The following HOOK1 variants were observed in gnomAD, a reference collection of about 807,000 sequenced individuals.
The protein encoded by HOOK1 is protein Hook homolog 1.
HOOK1 carries 60 observed loss-of-function variants against 112.8 expected under a neutral mutation model. The observed-to-expected ratio is 0.53, with a 90% CI of 0.43 to 0.66. The LOEUF is 0.66. HOOK1 is among the 30% of genes least tolerant of loss of function. HOOK1 has a pLI of 0.00. For missense variants in HOOK1, 770 were observed against 856.0 expected (o/e 0.90, Z 1.25); for synonymous variants, 294 against 283.8 (o/e 1.04, Z -0.36).
At chr1:59,866,007 T>C (rs1643957600) in intron 19 of HOOK1, 35 bp downstream of exon 19, 1 of 1,191,574 alleles carries the variant, frequency 8.4e-7, no homozygotes, top group South Asian at 1.3e-5. Flanking sequence ...CAAGACTTTG[T>C]GGCCTGTGTT....
intron 6 of HOOK1, 145 bp downstream of exon 6, chr1:59,835,557 C>G (rs531981789): frequency 1.8e-6 from 1 of 555,802 alleles, no homozygotes; most frequent in Non-Finnish European, 3.2e-6. Flanking sequence ...CTTTTTTACC[C>G]CCAAAAATAT....
intron 1 of HOOK1, among the ~76,000 whole-genome samples, chr1:59,821,333 A>G (rs2098385458): frequency 6.6e-6 from 1 of 152,244 alleles, no homozygotes; most frequent in Non-Finnish European, 1.5e-5. Flanking sequence ...TTGACGTGAT[A>G]GATAGGGCTT....
At chr1:59,838,010 C>T (rs1009204836) in intron 7 of HOOK1, among the ~76,000 whole-genome samples, 10 of 152,136 alleles carry the variant, frequency 6.6e-5, no homozygotes, top group African/African-American at 2.4e-4. Context: ...CATGTCCCTG[C>T]AAAGGACATG....
At position 59,872,958 on chromosome 1, in the gene HOOK1, C is replaced by T. The variant is rs1424404800; in HGVS notation, c.2180C>T (p.Ser727Phe). 16 of 1,466,978 alleles carry T rather than the reference C, an allele frequency of 1.1e-5. No individual in the cohort carries two copies. Among genetic ancestry groups the T allele is most frequent in the Non-Finnish European group, 2.7e-6 (3 of 1,100,248 alleles). The allele number at this position is 1,466,978 out of a possible 1,614,324, so 90.9% of individuals were successfully genotyped here. A position where few individuals can be genotyped will look rare whatever the true frequency, so the allele number is the denominator to read the frequency against. The change falls in exon 22 of 22, where the codon TCT becomes TTT. Residue 727 changes from serine to phenylalanine, a missense_variant. By Grantham distance (155) the Ser-to-Phe change is radical. Around this residue, in one of 3 missense-constraint regions of HOOK1, gnomAD observed 111 missense variants for 111.8 expected, o/e 0.99. Coordinates refer to ENST00000371208, the MANE Select transcript of HOOK1 (RefSeq NM_015888.6). ...NLSVKVPATT[S>F]D ...TCTGTTAAAGTCCCTGCTACAACAT[C>T]TGATTAAACTGCAAAAAAAACAAAA...
chr1:59,815,422 T>G, intron 1 of HOOK1: 3 of 554,948 alleles, frequency 5.4e-6, no homozygotes, highest in Admixed American at 3.2e-5. Flanking sequence ...GTGGAGGCTC[T>G]GGTCTCAACC....
intron 12 of HOOK1, among the ~76,000 whole-genome samples, chr1:59,850,358 A>C (rs1185225343): frequency 6.6e-6 from 1 of 151,272 alleles, no homozygotes; most frequent in Non-Finnish European, 1.5e-5. Context: ...TGCAGCACCA[A>C]GTATTACATT....
At chr1:59,867,650 C>T (rs1259866352) in intron 19 of HOOK1, among the ~76,000 whole-genome samples, 1 of 152,122 alleles carries the variant, frequency 6.6e-6, no homozygotes, top group African/African-American at 2.4e-5. Context: ...AGCTGAATCT[C>T]TTTACTACAT....
Position 59,860,201 on chromosome 1 carries a change from C to A in HOOK1, c.1405C>A (p.Arg469=). 1 of 1,599,454 alleles carries A rather than the reference C, an allele frequency of 6.3e-7. No homozygotes were observed. Among genetic ancestry groups the A allele is most frequent in the Non-Finnish European group, 8.5e-7 (1 of 1,173,896 alleles). Residue 469 remains arginine (R), a synonymous_variant, in exon 15 of 22, where the codon CGA becomes AGA. Transcript: ENST00000371208. ...TTGTAACATCAGGGAGGTGTTTATT[C>A]GACTGCAACATGAAAATAAGATGCT... The part of the protein sequence containing the change: ...MPVEYREVFI[R]LQHENKMLRL...
At chr1:59,827,898 A>G (rs543177160) in intron 2 of HOOK1, among the ~76,000 whole-genome samples, 114 of 152,262 alleles carry the variant, frequency 7.5e-4, no homozygotes, top group African/African-American at 2.6e-3. Flanking sequence ...AAGAATTTAG[A>G]TGAGACCTTT....
rs367888508 is a variant in HOOK1, at chr1:59,840,404, A to G, written c.621+13A>G. On this transcript the variant is annotated intron_variant, in intron 8 of 21. Transcript: ENST00000371208. Reference sequence around the variant, plus strand: ...ATTGGATATGCAGGTACGGGAAAAAACCCTGAGCTGAGAAAAACTTCCTCT... The same window carrying G: ...ATTGGATATGCAGGTACGGGAAAAAGCCCTGAGCTGAGAAAAACTTCCTCT... 43 of 1,521,276 alleles carry G rather than the reference A, an allele frequency of 2.8e-5. 1 individual carries two copies. The African/African-American group carries it at 5.5e-4, about 20-fold the overall frequency. 94.2% of individuals were successfully genotyped at this position (1,521,276 alleles called of 1,614,324 possible).
chr1:59,850,892 C>T (rs949743536), intron 12 of HOOK1, among the ~76,000 whole-genome samples: 4 of 151,428 alleles, frequency 2.6e-5, no homozygotes, highest in African/African-American at 9.7e-5. Flanking sequence ...TCTGTATTTT[C>T]TGCTCAATTT....
intron 12 of HOOK1, among the ~76,000 whole-genome samples, chr1:59,855,557 C>T (rs1034739968): frequency 6.6e-6 from 1 of 151,988 alleles, no homozygotes; most frequent in Non-Finnish European, 1.5e-5. Flanking sequence ...AGACTGATTC[C>T]ATGATTTTGC....
chr1:59,829,598 C>T (rs1049685497), intron 3 of HOOK1, among the ~76,000 whole-genome samples: 2 of 152,066 alleles, frequency 1.3e-5, no homozygotes, highest in African/African-American at 4.8e-5. Context: ...GTGCTAATAA[C>T]TGATCTTTAA....
rs570681134 is a variant in HOOK1 at position 59,875,315 on chromosome 1, T to C, written c.*2350T>C. On this transcript the variant is annotated 3_prime_UTR_variant, in exon 22 of 22. Transcript: ENST00000371208. ...TTTCTTAATAGAGAAAAAGGAAATT[T>C]CTGATTTATCACTTTTCTAGTTGAT... The C allele has an allele frequency of 6.5e-6, 1 of 152,726 alleles. No homozygotes were observed. The highest frequency in any genetic ancestry group is 2.1e-4 in the South Asian group (1 of 4,830). The allele number at this position is 152,726 out of a possible 1,614,324, so 9.5% of individuals were successfully genotyped here.
intron 1 of HOOK1, 26 bp downstream of exon 1, chr1:59,815,206 A>AG: frequency 1.3e-6 from 2 of 1,537,354 alleles, no homozygotes; most frequent in Non-Finnish European, 8.7e-7. Flanking sequence ...CGAGAGGGCG[A>AG]GGGGGCCAGG....
chr1:59,819,494 C>A (rs1195566978), intron 1 of HOOK1, among the ~76,000 whole-genome samples: 1 of 152,132 alleles, frequency 6.6e-6, no homozygotes, highest in African/African-American at 2.4e-5. Context: ...TGGTTGTAAG[C>A]CTTTCAATTG....
chr1:59,852,652 T>G (rs1019493485), intron 12 of HOOK1, among the ~76,000 whole-genome samples: 1 of 151,590 alleles, frequency 6.6e-6, no homozygotes, highest in Non-Finnish European at 1.5e-5. Context: ...ATTTTTACTC[T>G]AATCTTTAAT....
At chr1:59,871,021 G>T in intron 20 of HOOK1, 21 bp from the exon 21 acceptor site, 1 of 1,508,876 alleles carries the variant, frequency 6.6e-7, no homozygotes, top group South Asian at 1.1e-5. Flanking sequence ...GATTTTAATT[G>T]TTCTCATATC....
At chr1:59,858,287 A>G in intron 12 of HOOK1, 141 bp from the exon 13 acceptor site, 1 of 637,834 alleles carries the variant, frequency 1.6e-6, no homozygotes, top group East Asian at 2.7e-5. Context: ...AACTGAATAG[A>G]AAATGAGCTT....
Sources: allele counts gnomAD v4.1 joint callset (sites outside exome capture counted in the v4.1 genomes callset), GRCh38; gene constraint gnomAD v4.1.1; regional missense constraint gnomAD v4.1.1; transcripts MANE v1.5; gene names NCBI Gene and HGNC (gene_info 2026-07-23, HGNC 2026-07-21).